Variants in PIK3C2G observed in about 807,000 individuals in gnomAD.
PIK3C2G encodes the protein phosphatidylinositol 3-kinase C2 domain-containing subunit gamma.
In PIK3C2G, 168 loss-of-function variants were observed where a neutral mutation model predicts 181.1. That is an observed-to-expected ratio of 0.93 (90% confidence interval 0.82 to 1.05). The LOEUF (loss-of-function observed/expected upper bound fraction) is 1.05, where lower values mean the gene tolerates loss of function less well. PIK3C2G is among the 50% of genes least tolerant of loss of function. The pLI is 0.00. For missense variants in PIK3C2G, 1,869 were observed against 1,732.8 expected, an observed-to-expected ratio of 1.08 and a Z score of -1.40; for synonymous variants, 573 against 592.2, an observed-to-expected ratio of 0.97 and a Z score of 0.47.
At chr12:18,522,460 T>A (rs1267147760) in intron 24 of PIK3C2G, among the ~76,000 whole-genome samples, 1 of 152,092 alleles carries the variant, frequency 6.6e-6, no homozygotes, top group East Asian at 1.9e-4. Flanking sequence ...CTCCATTAGC[T>A]TTTATTTTTT....
intron 18 of PIK3C2G, among the ~76,000 whole-genome samples, chr12:18,459,708 C>T (rs1174285904): frequency 6.6e-6 from 1 of 152,124 alleles, no homozygotes; most frequent in Non-Finnish European, 1.5e-5. Context: ...CAATATTAAC[C>T]AAGTCTGTGA....
chr12:18,642,990 C>A (rs1224545776), intron 32 of PIK3C2G, among the ~76,000 whole-genome samples: 1 of 152,002 alleles, frequency 6.6e-6, no homozygotes, highest in Non-Finnish European at 1.5e-5. Flanking sequence ...TTTTTGAGTA[C>A]AAGTCTCCAT....
chr12:18,246,087 T>C (rs185012643), upstream of PIK3C2G, among the ~76,000 whole-genome samples: 534 of 152,246 alleles, frequency 3.5e-3, 6 homozygotes, highest in Non-Finnish European at 5.7e-3. Flanking sequence ...TTATCTCAAT[T>C]TGAGCCCTCC....
At chr12:18,347,011 G>T (rs1397583855) in intron 11 of PIK3C2G, among the ~76,000 whole-genome samples, 175 bp downstream of exon 11, 1 of 152,060 alleles carries the variant, frequency 6.6e-6, no homozygotes, top group Non-Finnish European at 1.5e-5. Flanking sequence ...ATTCAAAATG[G>T]ATATTTAATT....
chr12:18,288,872 A>G (rs1183012340), intron 3 of PIK3C2G, among the ~76,000 whole-genome samples: 1 of 152,152 alleles, frequency 6.6e-6, no homozygotes, highest in African/African-American at 2.4e-5. Context: ...GAAATACTTG[A>G]TGTGATGATT....
rs570333063 is a variant in PIK3C2G at position 18,438,112 on chromosome 12, T to A, written c.2504+14073T>A. Among the ~76,000 whole-genome samples, 11 of 152,072 alleles carry A rather than the reference T, an allele frequency of 7.2e-5. No homozygotes were observed. The East Asian group carries it at 2.1e-3, about 29-fold the overall frequency. On this transcript the variant is annotated intron_variant, in intron 18 of 32. Transcript: ENST00000538779. ...ACTAGAGTCATTTTTCCAACCCTTTTGTCTCAATAAATTAATTTTAAACAT... is the reference window on the plus strand; with the variant it reads ...ACTAGAGTCATTTTTCCAACCCTTTAGTCTCAATAAATTAATTTTAAACAT...
intron 1 of PIK3C2G, among the ~76,000 whole-genome samples, chr12:18,254,805 T>C (rs1367116575): frequency 2.0e-5 from 3 of 151,872 alleles, no homozygotes; most frequent in South Asian, 2.1e-4. Context: ...TGAGCCAAGA[T>C]TGCACCATTG....
the PIK3C2G span, among the ~76,000 whole-genome samples, chr12:18,711,065 C>T: frequency 6.6e-6 from 1 of 151,992 alleles, no homozygotes; most frequent in Non-Finnish European, 1.5e-5. Flanking sequence ...AATCATGCTG[C>T]TATAAAGACA....
intron 8 of PIK3C2G, among the ~76,000 whole-genome samples, chr12:18,327,955 T>C (rs1328444549): frequency 6.6e-6 from 1 of 151,924 alleles, no homozygotes; most frequent in African/African-American, 2.4e-5. Flanking sequence ...ATCGTAGCCT[T>C]GGAGAAAGAA....
intron 16 of PIK3C2G, among the ~76,000 whole-genome samples, chr12:18,407,364 T>C (rs547414942): frequency 6.6e-6 from 1 of 152,286 alleles, no homozygotes; most frequent in African/African-American, 2.4e-5. Flanking sequence ...AATATATGAC[T>C]TGAAATACAG....
chr12:18,692,918 C>T, the PIK3C2G span: 5 of 1,587,648 alleles, frequency 3.1e-6, no homozygotes, highest in Non-Finnish European at 4.3e-6. Flanking sequence ...ATGCTGCCAG[C>T]AAACTGCCAC....
chr12:18,621,237 A>G (rs963286544), intron 31 of PIK3C2G, among the ~76,000 whole-genome samples: 1 of 151,986 alleles, frequency 6.6e-6, no homozygotes, highest in African/African-American at 2.4e-5. Context: ...AAAAACAAAG[A>G]GTTCAATTGC....
intron 31 of PIK3C2G, among the ~76,000 whole-genome samples, chr12:18,628,574 T>C (rs964728094): frequency 2.6e-5 from 4 of 152,224 alleles, no homozygotes; most frequent in Non-Finnish European, 4.4e-5. Flanking sequence ...AGGTCAACAT[T>C]GTGAACAAAG....
chr12:18,257,634 G>T (rs1011844825), upstream of PIK3C2G, among the ~76,000 whole-genome samples: 4 of 138,058 alleles, frequency 2.9e-5, no homozygotes, highest in Admixed American at 1.5e-4. Flanking sequence ...GAGAGGGAAA[G>T]AAAAAAAGAA....
At chr12:18,664,098 C>G in the PIK3C2G span, among the ~76,000 whole-genome samples, 1 of 152,100 alleles carries the variant, frequency 6.6e-6, no homozygotes, top group Non-Finnish European at 1.5e-5. Flanking sequence ...ACCAGACAAA[C>G]AAACAAAGAC....
chr12:18,321,679 G>A (rs1027997109), intron 7 of PIK3C2G, among the ~76,000 whole-genome samples: 2 of 152,066 alleles, frequency 1.3e-5, no homozygotes, highest in African/African-American at 2.4e-5. Context: ...CTAAATTTAC[G>A]ATAGCAAAGA....
chr12:18,700,128 T>C, the PIK3C2G span, among the ~76,000 whole-genome samples: 1 of 152,168 alleles, frequency 6.6e-6, no homozygotes, highest in South Asian at 2.1e-4. Flanking sequence ...AAATATTTAA[T>C]GTTAAGATAA....
At chr12:18,629,879 A>G (rs1949272958) in intron 31 of PIK3C2G, among the ~76,000 whole-genome samples, 1 of 152,168 alleles carries the variant, frequency 6.6e-6, no homozygotes. Flanking sequence ...AAATATTGCA[A>G]TAGATAACAG....
chr12:18,346,637 C>A lies in PIK3C2G; in HGVS notation c.1430-4C>A. ...TGACTTGATCTCTATCTCTTCCTTT[C>A]TAGGCTTGATAGAGAAGGTAACAAC... On this transcript the variant is annotated splice_region_variant and splice_polypyrimidine_tract_variant and intron_variant, in intron 10 of 32. Coordinates refer to ENST00000538779, the MANE Select transcript of PIK3C2G (RefSeq NM_001288772.2). 1 of 1,581,642 alleles carries A rather than the reference C, an allele frequency of 6.3e-7. No individual in the cohort carries two copies. Among genetic ancestry groups the A allele is most frequent in the Non-Finnish European group, 8.6e-7 (1 of 1,157,220 alleles).
Sources: allele counts gnomAD v4.1 joint callset (sites outside exome capture counted in the v4.1 genomes callset), GRCh38; gene constraint gnomAD v4.1.1; transcripts MANE v1.5; gene names NCBI Gene and HGNC (gene_info 2026-07-23, HGNC 2026-07-21).